TBC1D5: variants seen among roughly 807,000 people sequenced by gnomAD.
TBC1D5 encodes the protein TBC1 domain family, member 5.
Under a neutral mutation model 100.3 loss-of-function variants are expected in TBC1D5, and 75 were observed. The ratio of observed to expected loss-of-function variants is 0.75; its 90% CI spans 0.62 to 0.91. The LOEUF (loss-of-function observed/expected upper bound fraction) is 0.91. Ranked by LOEUF, TBC1D5 falls within the 40% of genes least tolerant of loss-of-function variation. The pLI is 0.00. For synonymous variants in TBC1D5, 323 were observed against 325.6 expected, an observed-to-expected ratio of 0.99 and a Z score of 0.09; for missense variants, 910 against 942.4, an observed-to-expected ratio of 0.97 and a Z score of 0.45.
At chr3:17,509,685 T>A (rs557812466) in intron 2 of TBC1D5, among the ~76,000 whole-genome samples, 1 of 152,028 alleles carries the variant, frequency 6.6e-6, no homozygotes, top group Non-Finnish European at 1.5e-5. Flanking sequence ...GTTTATATGA[T>A]ACACATATTT....
intron 13 of TBC1D5, chr3:17,337,355 T>C (rs1254525022): frequency 6.6e-6 from 1 of 152,080 alleles, no homozygotes; most frequent in Non-Finnish European, 1.5e-5. Context: ...GTGATGTCAT[T>C]TGGCCCAATT....
At chr3:17,698,820 A>C (rs1323327884) in intron 1 of TBC1D5, among the ~76,000 whole-genome samples, 1 of 147,536 alleles carries the variant, frequency 6.8e-6, no homozygotes, top group African/African-American at 2.5e-5. Context: ...CCATCAGAGA[A>C]ATGCAAATCA....
At chr3:17,199,652 T>C (rs555320247) in intron 18 of TBC1D5, among the ~76,000 whole-genome samples, 2 of 152,260 alleles carry the variant, frequency 1.3e-5, no homozygotes, top group Admixed American at 6.5e-5. Flanking sequence ...CATGTGGTAG[T>C]ATATATATGT....
chr3:17,459,806 C>T (rs907454967), intron 3 of TBC1D5, among the ~76,000 whole-genome samples: 3 of 151,834 alleles, frequency 2.0e-5, no homozygotes, highest in African/African-American at 7.2e-5. Context: ...CTGAATTGCT[C>T]GTAACACATA....
intron 19 of TBC1D5, among the ~76,000 whole-genome samples, chr3:17,177,377 G>T (rs1301203019): frequency 6.6e-6 from 1 of 152,142 alleles, no homozygotes; most frequent in East Asian, 1.9e-4. Flanking sequence ...AAACCAGGGG[G>T]AAACAACTTC....
intron 3 of TBC1D5, among the ~76,000 whole-genome samples, chr3:17,489,898 G>T (rs1304336224): frequency 6.6e-6 from 1 of 152,130 alleles, no homozygotes; most frequent in Non-Finnish European, 1.5e-5. Flanking sequence ...GAATCAAATG[G>T]TATTTCTGCC....
intron 21 of TBC1D5, among the ~76,000 whole-genome samples, chr3:17,162,165 A>G (rs1409873089): frequency 3.3e-5 from 5 of 152,232 alleles, no homozygotes; most frequent in Non-Finnish European, 7.3e-5. Context: ...TGTAGTGCCC[A>G]CAGCTGCCTC....
intron 3 of TBC1D5, among the ~76,000 whole-genome samples, chr3:17,483,037 A>T (rs1467322788): frequency 3.3e-5 from 5 of 152,156 alleles, no homozygotes; most frequent in Non-Finnish European, 2.9e-5. Flanking sequence ...ATATACACCT[A>T]ATCTATGTGA....
intron 3 of TBC1D5, among the ~76,000 whole-genome samples, chr3:17,443,331 G>A (rs1025860642): frequency 6.6e-6 from 1 of 152,186 alleles, no homozygotes; most frequent in Non-Finnish European, 1.5e-5. Context: ...GTGGGCTCTA[G>A]ATTGACACCA....
intron 15 of TBC1D5, among the ~76,000 whole-genome samples, chr3:17,285,414 C>G (rs2150023976): frequency 6.6e-6 from 1 of 151,378 alleles, no homozygotes; most frequent in South Asian, 2.1e-4. Flanking sequence ...GCGCCCGCTA[C>G]CACGCCCGGC....
chr3:17,500,704 C>T (rs575056851), intron 3 of TBC1D5, among the ~76,000 whole-genome samples: 2 of 149,588 alleles, frequency 1.3e-5, no homozygotes, highest in Non-Finnish European at 2.9e-5. Context: ...TGACTTTCCC[C>T]TACTTTGATT....
rs372088120 is a variant in TBC1D5, at chr3:17,616,082, G to A, written c.-36+7767C>T. ...AAATGTGTCCCAGAGATTCTGGTAC[G>A]TTGTGTCTTTGTTCTCATTGGTTTC... is the stretch of plus-strand genomic sequence containing the variant. On this transcript the variant is annotated intron_variant, in intron 2 of 21. Coordinates refer to ENST00000253692, the Ensembl canonical transcript of TBC1D5. Among the ~76,000 whole-genome samples, 48 of 152,310 alleles carry A rather than the reference G, an allele frequency of 3.2e-4. No individual in the cohort carries two copies. The East Asian group carries it at 7.5e-3, about 24-fold the overall frequency.
intron 4 of TBC1D5, among the ~76,000 whole-genome samples, chr3:17,410,093 C>G (rs549747633): frequency 6.6e-5 from 10 of 152,222 alleles, no homozygotes; most frequent in Non-Finnish European, 1.2e-4. Flanking sequence ...AGGCTGTTCT[C>G]TTGTTACAGG....
intron 15 of TBC1D5, among the ~76,000 whole-genome samples, chr3:17,261,652 G>T (rs923875703): frequency 6.6e-6 from 1 of 152,018 alleles, no homozygotes; most frequent in Non-Finnish European, 1.5e-5. Context: ...CCTCCTGGTA[G>T]TTGGGACTAC....
chr3:17,618,721 G>C (rs946085373), intron 2 of TBC1D5, among the ~76,000 whole-genome samples: 1 of 152,258 alleles, frequency 6.6e-6, no homozygotes, highest in Non-Finnish European at 1.5e-5. Context: ...GAATGGGAGA[G>C]AATCTCCTGG....
chr3:17,550,293 A>T (rs975806038), intron 2 of TBC1D5, among the ~76,000 whole-genome samples: 14 of 152,150 alleles, frequency 9.2e-5, no homozygotes, highest in African/African-American at 3.4e-4. Flanking sequence ...GTCAGGGTTA[A>T]AAGCGGGCCA....
chr3:17,706,046 G>C (rs1205214078), intron 1 of TBC1D5: 17 of 1,574,272 alleles, frequency 1.1e-5, no homozygotes, highest in Non-Finnish European at 1.4e-5. Flanking sequence ...TGTTCTTTAA[G>C]GTGGGAGCCT....
intron 3 of TBC1D5, among the ~76,000 whole-genome samples, chr3:17,454,735 C>G (rs999804842): frequency 2.6e-5 from 4 of 152,136 alleles, no homozygotes; most frequent in Non-Finnish European, 5.9e-5. Flanking sequence ...ATTGGGATTA[C>G]AGGCATGAGC....
intron 2 of TBC1D5, among the ~76,000 whole-genome samples, chr3:17,593,065 AAG>A (rs2153569816): frequency 6.6e-6 from 1 of 152,236 alleles, no homozygotes; most frequent in African/African-American, 2.4e-5. Flanking sequence ...CTGAAGGCAC[AAG>A]TAAGTTACAT....
Sources: gnomAD v4.1 joint callset for allele counts (sites outside exome capture counted in the v4.1 genomes callset) on GRCh38, gnomAD v4.1.1 for gene constraint, MANE v1.5 for transcripts, NCBI Gene and HGNC (gene_info 2026-07-23, HGNC 2026-07-21) for gene names.